NCKAP5L: variants seen among roughly 807,000 people sequenced by gnomAD.
NCKAP5L encodes the protein NCK associated protein 5 like.
In NCKAP5L, 54 loss-of-function variants were observed where a neutral mutation model predicts 103.2. The ratio of observed to expected loss-of-function variants is 0.52; its 90% CI spans 0.42 to 0.66. The LOEUF (loss-of-function observed/expected upper bound fraction) is 0.66, where lower values mean the gene tolerates loss of function less well. NCKAP5L is among the 30% of genes least tolerant of loss of function. The pLI is 0.00. For missense variants in NCKAP5L, 1,733 were observed against 1,750.6 expected (o/e 0.99, Z 0.18); for synonymous variants, 762 against 748.6 (o/e 1.02, Z -0.29).
At chr12:49,799,167 A>C (rs1946091575) in intron 6 of NCKAP5L, among the ~76,000 whole-genome samples, 2 of 152,134 alleles carry the variant, frequency 1.3e-5, no homozygotes. Flanking sequence ...CCTCCAGCCC[A>C]GTTCTTCCTG....
At chr12:49,827,870 C>G (rs1946437099) in intron 1 of NCKAP5L, among the ~76,000 whole-genome samples, 1 of 152,336 alleles carries the variant, frequency 6.6e-6, no homozygotes, top group Admixed American at 6.5e-5. Context: ...GGCTCGTCTC[C>G]GCGCCTGCGC....
rs904704008 is a variant in NCKAP5L, at chr12:49,795,307, T to C, written c.2553A>G (p.Ala851=). 1.3e-6 allele frequency: 2 copies of C among 1,527,638 alleles called. No individual in the cohort carries two copies. The highest frequency in any genetic ancestry group is 2.8e-5 in the African/African-American group (2 of 71,944). The allele number at this position is 1,527,638 out of a possible 1,614,324, so 94.6% of individuals were successfully genotyped here. A position where few individuals can be genotyped will look rare whatever the true frequency, so the allele number is the denominator to read the frequency against. The part of the protein sequence containing the change: ...KPDKGKGPPW[A]DCGSTTAQST... ...ACTGGGCCGTGGTACTACCACAGTCTGCCCAGGGAGGGCCCTTCCCTTTGT... is the reference window on the plus strand; with the variant it reads ...ACTGGGCCGTGGTACTACCACAGTCCGCCCAGGGAGGGCCCTTCCCTTTGT... Residue 851 remains alanine (A), a synonymous_variant, in exon 8 of 13, where the codon GCA becomes GCG. Coordinates refer to ENST00000335999, the MANE Select transcript of NCKAP5L (RefSeq NM_001037806.4).
Position 49,796,097 on chromosome 12 carries a change from G to C in NCKAP5L, c.1763C>G (p.Thr588Ser), listed in dbSNP as rs746112244. ...PLQVPTYPQL[T>S]LEVPQAPEVL... ...CTCAGGGGCCTGTGGTACCTCCAGA[G>C]TTAGCTGTGGGTAGGTGGGCACCTG... is the stretch of plus-strand genomic sequence containing the variant. Residue 588 changes from threonine to serine, a missense_variant, in exon 8 of 13, where the codon ACT becomes AGT. By Grantham distance (58) the Thr-to-Ser change is moderately conservative. Coordinates refer to ENST00000335999, the MANE Select transcript of NCKAP5L (RefSeq NM_001037806.4). 14 of 1,607,452 alleles carry C rather than the reference G, an allele frequency of 8.7e-6. 1 individual carries two copies. The Middle Eastern group carries it at 9.9e-4, about 114-fold the overall frequency.
rs745583887 is a variant in NCKAP5L, at chr12:49,794,935, C to T, written c.2925G>A (p.Ala975=). The part of the protein sequence containing the change: ...SLNISKLMAK[A]EDLRRALEEE... Reference sequence around the variant, plus strand: ...CTTCCAGTGCCCGACGCAGGTCTTCCGCCTTGGCCATCAGCTTGGAGATGT... The same window carrying T: ...CTTCCAGTGCCCGACGCAGGTCTTCTGCCTTGGCCATCAGCTTGGAGATGT... The change falls in exon 8 of 13, where the codon GCG becomes GCA. Residue 975 remains alanine, a synonymous_variant. Coordinates refer to ENST00000335999, the MANE Select transcript of NCKAP5L (RefSeq NM_001037806.4). The T allele has an allele frequency of 1.1e-5, 18 of 1,566,958 alleles. No homozygotes were observed. The highest frequency in any genetic ancestry group is 1.7e-4 in the Middle Eastern group (1 of 5,888).
At chr12:49,821,793 T>C (rs1404121655) in intron 1 of NCKAP5L, among the ~76,000 whole-genome samples, 2 of 152,238 alleles carry the variant, frequency 1.3e-5, no homozygotes, top group Non-Finnish European at 2.9e-5. Context: ...GCTGGCTGAA[T>C]GAACAGGCCG....
At position 49,794,859 on chromosome 12, in the gene NCKAP5L, C is replaced by A; in HGVS notation, c.3001G>T (p.Ala1001Ser). The change falls in exon 8 of 13, where the codon GCC becomes TCC. Residue 1001 changes from alanine to serine, a missense_variant. Coordinates refer to ENST00000335999, the MANE Select transcript of NCKAP5L (RefSeq NM_001037806.4). ...CCCAGCCCCGTGTTGGGCCCTGGGG[C>A]TGGGCCACCAGGCCGTGGCCGGGCC... ...SRARPRPGGP[A>S]PGPNTGLGQV... is the part of the protein sequence containing the mutation. The A allele has an allele frequency of 6.6e-7, 1 of 1,503,882 alleles. No individual in the cohort carries two copies. Among genetic ancestry groups the A allele is most frequent in the South Asian group, 1.3e-5 (1 of 75,846 alleles). 93.2% of individuals were successfully genotyped at this position (1,503,882 alleles called of 1,614,324 possible). A position where few individuals can be genotyped will look rare whatever the true frequency, so the allele number is the denominator to read the frequency against.
At chr12:49,821,598 C>T (rs958804751) in intron 1 of NCKAP5L, among the ~76,000 whole-genome samples, 5 of 152,254 alleles carry the variant, frequency 3.3e-5, no homozygotes, top group Non-Finnish European at 7.3e-5. Flanking sequence ...GGGCCACCCC[C>T]AACACTAGGT....
Position 49,796,786 on chromosome 12 carries a change from C to T in NCKAP5L, c.1074G>A (p.Gly358=), listed in dbSNP as rs1946054192. The T allele has an allele frequency of 6.2e-7, 1 of 1,613,716 alleles. No homozygotes were observed. Among genetic ancestry groups the T allele is most frequent in the African/African-American group, 1.3e-5 (1 of 75,062 alleles). Residue 358 remains glycine (G), a synonymous_variant, in exon 8 of 13, where the codon GGG becomes GGA. Transcript: ENST00000335999. ...GCGCCTGGTCTGGGGAGGATGACTG[C>T]CCAGGACCTGGGTGGTCCCCATTGA... ...GPLNGDHPGP[G]QSSSPDQAPP...
intron 5 of NCKAP5L, 51 bp from the exon 6 acceptor site, chr12:49,802,018 A>G: frequency 6.2e-7 from 1 of 1,603,100 alleles, no homozygotes; most frequent in South Asian, 1.1e-5. Flanking sequence ...ATGGTGGGAG[A>G]GTGTCACAGT....
intron 1 of NCKAP5L, among the ~76,000 whole-genome samples, chr12:49,814,346 T>C (rs1946274606): frequency 6.6e-6 from 1 of 150,764 alleles, no homozygotes; most frequent in African/African-American, 2.4e-5. Context: ...TAGCTGGGTG[T>C]GGTGGTGTGC....
chr12:49,802,747 A>C (rs947747705), intron 5 of NCKAP5L: 10 of 596,532 alleles, frequency 1.7e-5, no homozygotes, highest in Non-Finnish European at 3.0e-5. Context: ...GTAAGGGAAG[A>C]AGTCATGCTC....
intron 1 of NCKAP5L, among the ~76,000 whole-genome samples, chr12:49,807,248 T>C (rs902950341): frequency 5.0e-5 from 7 of 140,534 alleles, no homozygotes; most frequent in Non-Finnish European, 9.1e-5. Flanking sequence ...TGCTTCTTCG[T>C]GTGTGTGTGT....
At chr12:49,800,087 C>T (rs1373967521) in intron 6 of NCKAP5L, among the ~76,000 whole-genome samples, 2 of 152,190 alleles carry the variant, frequency 1.3e-5, no homozygotes, top group African/African-American at 2.4e-5. Flanking sequence ...CCCAGCTACT[C>T]GGGAGGCTGA....
At chr12:49,793,218 G>T in intron 10 of NCKAP5L, 134 bp downstream of exon 10, 1 of 934,358 alleles carries the variant, frequency 1.1e-6, no homozygotes. Context: ...TGTAGCTCCA[G>T]TGCCCACCTG....
In NCKAP5L at chr12:49,796,842, G is replaced by C. The variant is rs368855794; in HGVS notation, c.1018C>G (p.Gln340Glu). 1.2e-6 allele frequency: 2 copies of C among 1,612,952 alleles called. No homozygotes were observed. Among genetic ancestry groups the C allele is most frequent in the Non-Finnish European group, 1.7e-6 (2 of 1,179,768 alleles). ...QLLEDTESYL[Q>E]AFLAGAAGPL... ...CCTGCAGCCCCGGCCAGGAAGGCCT[G>C]TAGGTAAGACTCTGTGTCCTCAAGG... Residue 340 changes from glutamine to glutamate, a missense_variant, in exon 8 of 13, where the codon CAG (glutamine) becomes GAG (glutamate). Gln to Glu is a conservative substitution (Grantham distance 29, BLOSUM62 2). Transcript: ENST00000335999.
chr12:49,824,319 C>G (rs754789915), intron 1 of NCKAP5L, among the ~76,000 whole-genome samples: 1 of 152,240 alleles, frequency 6.6e-6, no homozygotes, highest in Admixed American at 6.5e-5. Flanking sequence ...ACGCCACAGG[C>G]ACAGTCCATG....
intron 1 of NCKAP5L, among the ~76,000 whole-genome samples, chr12:49,818,978 C>G (rs1349903566): frequency 6.8e-6 from 1 of 147,412 alleles, no homozygotes; most frequent in African/African-American, 2.5e-5. Context: ...AGGAGGATCA[C>G]TTGAGGTCAG....
chr12:49,796,249 G>A lies in NCKAP5L; in HGVS notation c.1611C>T (p.Pro537=), dbSNP rs779094908. 5.1e-6 allele frequency: 8 copies of A among 1,565,544 alleles called. No homozygotes were observed. In the Middle Eastern group the frequency reaches 6.9e-4, roughly 135 times the overall value. Residue 537 remains proline (P), a synonymous_variant, in exon 8 of 13, where the codon CCC becomes CCT. Transcript: ENST00000335999. ...YTTPDSTQLR[P]PQSALSTTLS... The stretch of plus-strand genomic sequence containing the variant: ...GCGTGGTGGACAAGGCTGACTGCGG[G>A]GGTCTGAGCTGTGTGGAGTCTGGGG...
At chr12:49,822,588 C>T (rs930795996) in intron 1 of NCKAP5L, among the ~76,000 whole-genome samples, 2 of 150,172 alleles carry the variant, frequency 1.3e-5, no homozygotes, top group African/African-American at 4.9e-5. Context: ...TCACTGTTGC[C>T]TAGGCTGGAG....
Sources: allele counts gnomAD v4.1 joint callset (sites outside exome capture counted in the v4.1 genomes callset), GRCh38; gene constraint gnomAD v4.1.1; transcripts MANE v1.5; gene names NCBI Gene and HGNC (gene_info 2026-07-23, HGNC 2026-07-21).